The following THSD4 variants were observed in gnomAD, a reference collection of about 807,000 sequenced individuals.
THSD4 encodes thrombospondin type-1 domain-containing protein 4.
Under a neutral mutation model 119.0 loss-of-function variants are expected in THSD4, and 69 were observed. That is an observed-to-expected ratio of 0.58 (90% CI 0.48 to 0.71). The LOEUF (loss-of-function observed/expected upper bound fraction) is 0.71, where lower values mean the gene tolerates loss of function less well. Among genes scored for constraint, THSD4 ranks in the 30% least tolerant of loss-of-function variants. THSD4 has a pLI of 0.00. For missense variants in THSD4, 1,393 were observed against 1,391.1 expected (o/e 1.00, Z -0.02); for synonymous variants, 524 against 540.4 (o/e 0.97, Z 0.42).
chr15:71,683,570 TTGAG>T (rs2051842673), intron 8 of THSD4, among the ~76,000 whole-genome samples: 1 of 152,174 alleles, frequency 6.6e-6, no homozygotes, highest in Admixed American at 6.5e-5. Flanking sequence ...AGGCTGCTAT[TTGAG>T]TTAGGTTGTC....
intron 6 of THSD4, among the ~76,000 whole-genome samples, chr15:71,288,555 T>C (rs1297739138): frequency 6.6e-6 from 1 of 152,084 alleles, no homozygotes; most frequent in Non-Finnish European, 1.5e-5. Context: ...CTCCTGCTGG[T>C]CAAATCCAGC....
intron 7 of THSD4, among the ~76,000 whole-genome samples, chr15:71,573,278 C>T (rs374737637): frequency 7.9e-5 from 12 of 152,062 alleles, no homozygotes; most frequent in African/African-American, 2.4e-4. Flanking sequence ...AGTTGTTAAA[C>T]GAATCCAGGC....
At chr15:71,644,965 A>G (rs1346019344) in intron 7 of THSD4, among the ~76,000 whole-genome samples, 3 of 152,196 alleles carry the variant, frequency 2.0e-5, no homozygotes, top group Non-Finnish European at 4.4e-5. Flanking sequence ...ATGGATTTAT[A>G]GCCTGCCCCT....
chr15:71,403,877 TCA>T (rs1185456810), intron 6 of THSD4, among the ~76,000 whole-genome samples: 5 of 152,290 alleles, frequency 3.3e-5, no homozygotes, highest in Non-Finnish European at 4.4e-5. Context: ...TTTTTATCTC[TCA>T]CTCAGAAATC....
chr15:71,613,514 A>T (rs2050267533), intron 7 of THSD4, among the ~76,000 whole-genome samples: 1 of 152,218 alleles, frequency 6.6e-6, no homozygotes, highest in African/African-American at 2.4e-5. Context: ...GAAGATACAT[A>T]TGGAGCCACA....
chr15:71,777,307 A>G lies in THSD4; in HGVS notation c.2990A>G (p.Lys997Arg). The G allele has an allele frequency of 6.2e-7, 1 of 1,614,244 alleles. No individual in the cohort carries two copies. Among genetic ancestry groups the G allele is most frequent in the South Asian group, 1.1e-5 (1 of 91,086 alleles). Residue 997 changes from lysine to arginine, a missense_variant, in exon 18 of 18, where the codon AAG becomes AGG. Coordinates refer to ENST00000261862, the MANE Select transcript of THSD4 (RefSeq NM_024817.3). Reference sequence around the variant, plus strand: ...AGACTCTGTGTCTACAACTACTACAAGACCGCCTGCTGTGCCTCCTGCACC... The same window carrying G: ...AGACTCTGTGTCTACAACTACTACAGGACCGCCTGCTGTGCCTCCTGCACC... Reference protein sequence around the residue: ...QARLCVYNYYKTACCASCTRV... With the variant: ...QARLCVYNYYRTACCASCTRV...
intron 6 of THSD4, among the ~76,000 whole-genome samples, chr15:71,290,769 T>G (rs1229353298): frequency 1.3e-5 from 2 of 152,126 alleles, no homozygotes; most frequent in Non-Finnish European, 2.9e-5. Flanking sequence ...CATCACATGC[T>G]AAAGGTGGCT....
intron 7 of THSD4, among the ~76,000 whole-genome samples, chr15:71,557,989 G>T (rs1362013592): frequency 6.6e-6 from 1 of 151,884 alleles, no homozygotes; most frequent in African/African-American, 2.4e-5. Context: ...TCTTTCCGCG[G>T]GTTTATTTAT....
chr15:71,598,914 A>T (rs927262709), intron 7 of THSD4, among the ~76,000 whole-genome samples: 2 of 152,122 alleles, frequency 1.3e-5, no homozygotes, highest in African/African-American at 4.8e-5. Context: ...ACCGCATCTG[A>T]CCGGAACTTA....
At chr15:71,586,100 C>T (rs2049664102) in intron 7 of THSD4, among the ~76,000 whole-genome samples, 1 of 152,052 alleles carries the variant, frequency 6.6e-6, no homozygotes, top group Non-Finnish European at 1.5e-5. Context: ...TACTGATGTT[C>T]TATTAGTTTA....
intron 7 of THSD4, among the ~76,000 whole-genome samples, chr15:71,537,917 C>T (rs1283303298): frequency 1.3e-5 from 2 of 151,998 alleles, no homozygotes; most frequent in Non-Finnish European, 2.9e-5. Context: ...TACATGCCAC[C>T]ATGCCCAGCT....
intron 6 of THSD4, among the ~76,000 whole-genome samples, chr15:71,328,304 A>G (rs191770178): frequency 3.3e-5 from 5 of 152,274 alleles, no homozygotes; most frequent in South Asian, 4.1e-4. Flanking sequence ...CCTTTTATCT[A>G]ATTCCTAGAA....
At chr15:71,473,246 T>G (rs35570859) in intron 7 of THSD4, among the ~76,000 whole-genome samples, 3 of 151,872 alleles carry the variant, frequency 2.0e-5, no homozygotes, top group African/African-American at 7.3e-5. Flanking sequence ...TTTGTAGAGA[T>G]AGGGTTTTGT....
intron 6 of THSD4, among the ~76,000 whole-genome samples, chr15:71,379,570 T>C (rs1428194631): frequency 6.8e-6 from 1 of 147,904 alleles, no homozygotes; most frequent in Non-Finnish European, 1.5e-5. Context: ...GCCATTCTCC[T>C]GCCTCAGCCT....
intron 2 of THSD4, among the ~76,000 whole-genome samples, chr15:71,143,684 T>C (rs1156712256): frequency 7.2e-6 from 1 of 139,678 alleles, no homozygotes; most frequent in Non-Finnish European, 1.5e-5. Flanking sequence ...TTTTTTTCTT[T>C]CTTTTTTTTT....
intron 7 of THSD4, among the ~76,000 whole-genome samples, chr15:71,631,948 G>T (rs776359492): frequency 1.3e-5 from 2 of 152,208 alleles, no homozygotes; most frequent in African/African-American, 4.8e-5. Flanking sequence ...CACTACAGTT[G>T]TGTTTAGTTC....
intron 6 of THSD4, among the ~76,000 whole-genome samples, chr15:71,350,645 A>G (rs2045732021): frequency 6.6e-6 from 1 of 152,186 alleles, no homozygotes; most frequent in East Asian, 1.9e-4. Context: ...CTTAATTTGA[A>G]AGAAATTCAG....
chr15:71,611,073 G>C (rs925588350), intron 7 of THSD4, among the ~76,000 whole-genome samples: 6 of 152,208 alleles, frequency 3.9e-5, no homozygotes, highest in African/African-American at 1.4e-4. Flanking sequence ...AATTTTTAAA[G>C]TGTTTTTAGA....
chr15:71,688,707 C>CTGTG (rs55653630), intron 8 of THSD4, among the ~76,000 whole-genome samples: 55,853 of 133,008 alleles, frequency 0.42, 11,289 homozygotes, highest in Middle Eastern at 0.47. Flanking sequence ...TTTTGTATCT[C>CTGTG]TGTGTGTGTG....
Sources: gnomAD v4.1 joint callset for allele counts (sites outside exome capture counted in the v4.1 genomes callset) on GRCh38, gnomAD v4.1.1 for gene constraint, MANE v1.5 for transcripts, NCBI Gene and HGNC (gene_info 2026-07-23, HGNC 2026-07-21) for gene names.